MTHFS: variants seen among roughly 807,000 people sequenced by gnomAD.
The protein encoded by MTHFS is 5-formyltetrahydrofolate cyclo-ligase.
Under a neutral mutation model 12.7 loss-of-function variants are expected in MTHFS, and 7 were observed. That is an observed-to-expected ratio of 0.55 (90% CI 0.31 to 1.03). The LOEUF is 1.03. MTHFS is among the 50% of genes least tolerant of loss of function. The pLI is 0.05. For missense variants in MTHFS, 252 were observed against 258.1 expected (o/e 0.98, Z 0.16); for synonymous variants, 100 against 97.1 (o/e 1.03, Z -0.18).
At chr15:79,857,889 GC>G (rs1326057083) in intron 2 of MTHFS, among the ~76,000 whole-genome samples, 1 of 151,974 alleles carries the variant, frequency 6.6e-6, no homozygotes, top group African/African-American at 2.4e-5. Context: ...GGTGGCGCGT[GC>G]CTGTAATCCC....
intron 2 of MTHFS, among the ~76,000 whole-genome samples, chr15:79,887,068 C>T (rs1451330084): frequency 2.0e-5 from 3 of 152,118 alleles, no homozygotes; most frequent in Non-Finnish European, 2.9e-5. Context: ...AACCCCATCT[C>T]TATTAAAAAT....
At chr15:79,864,431 G>A (rs984319786) in intron 2 of MTHFS, among the ~76,000 whole-genome samples, 1 of 151,628 alleles carries the variant, frequency 6.6e-6, no homozygotes, top group Non-Finnish European at 1.5e-5. Context: ...CATAGTCCCA[G>A]CTACTCAGGA....
At chr15:79,858,606 G>C (rs1161909363) in intron 2 of MTHFS, among the ~76,000 whole-genome samples, 1 of 151,990 alleles carries the variant, frequency 6.6e-6, no homozygotes, top group African/African-American at 2.4e-5. Context: ...AATAACTAAA[G>C]GATACAGAAA....
intron 2 of MTHFS, among the ~76,000 whole-genome samples, chr15:79,855,891 C>T (rs558553546): frequency 6.6e-6 from 1 of 152,244 alleles, no homozygotes; most frequent in African/African-American, 2.4e-5. Context: ...TATATATGTA[C>T]CATATTTTCT....
intron 2 of MTHFS, among the ~76,000 whole-genome samples, 179 bp from the exon 3 acceptor site, chr15:79,845,621 CTTAG>C (rs1436107048): frequency 6.6e-6 from 1 of 152,194 alleles, no homozygotes; most frequent in Non-Finnish European, 1.5e-5. Context: ...TACTCAGCAA[CTTAG>C]TTAAGTCTCT....
At chr15:79,853,352 T>C (rs2033747012) in intron 2 of MTHFS, among the ~76,000 whole-genome samples, 1 of 152,218 alleles carries the variant, frequency 6.6e-6, no homozygotes, top group African/African-American at 2.4e-5. Context: ...CAGTTATCTG[T>C]GCAGGCTTTT....
intron 2 of MTHFS, among the ~76,000 whole-genome samples, chr15:79,859,637 G>A (rs1321636173): frequency 6.6e-6 from 1 of 152,106 alleles, no homozygotes; most frequent in Admixed American, 6.5e-5. Context: ...GGCCAACATG[G>A]TGAAGGCCCG....
At chr15:79,893,298 G>C (rs2034507021) in intron 1 of MTHFS, among the ~76,000 whole-genome samples, 1 of 151,620 alleles carries the variant, frequency 6.6e-6, no homozygotes, top group Non-Finnish European at 1.5e-5. Flanking sequence ...AGCTACTTGG[G>C]AGGCTGAGGC....
chr15:79,853,113 C>T (rs1232831797), intron 2 of MTHFS, among the ~76,000 whole-genome samples: 1 of 152,112 alleles, frequency 6.6e-6, no homozygotes, highest in Non-Finnish European at 1.5e-5. Flanking sequence ...AGGTTCACCC[C>T]TATAAGGATA....
chr15:79,890,984 C>T (rs535313143), intron 1 of MTHFS, among the ~76,000 whole-genome samples: 1 of 152,302 alleles, frequency 6.6e-6, no homozygotes, highest in South Asian at 2.1e-4. Context: ...TCAGTTAACA[C>T]TCAATGTGAG....
chr15:79,851,854 TTAGAGGTAGTA>T (rs1275245230), intron 2 of MTHFS, among the ~76,000 whole-genome samples: 2 of 152,164 alleles, frequency 1.3e-5, no homozygotes, highest in African/African-American at 2.4e-5. Context: ...GCCAAGCATC[TTAGAGGTAGTA>T]CAGGAGAGGG....
At chr15:79,847,111 G>T (rs1366037572) in intron 2 of MTHFS, among the ~76,000 whole-genome samples, 1 of 152,186 alleles carries the variant, frequency 6.6e-6, no homozygotes, top group Non-Finnish European at 1.5e-5. Context: ...GGTCAGGGAA[G>T]AATTCATGGA....
intron 2 of MTHFS, among the ~76,000 whole-genome samples, chr15:79,866,313 C>T (rs1400731607): frequency 2.6e-5 from 4 of 152,078 alleles, no homozygotes; most frequent in African/African-American, 9.7e-5. Context: ...AAATATTTAC[C>T]TGTACATTAT....
At chr15:79,868,260 A>G (rs2034046145) in intron 2 of MTHFS, among the ~76,000 whole-genome samples, 1 of 152,216 alleles carries the variant, frequency 6.6e-6, no homozygotes, top group Non-Finnish European at 1.5e-5. Context: ...ATTTCAATGT[A>G]GCATTCAATA....
At chr15:79,869,937 T>C (rs987623821) in intron 2 of MTHFS, among the ~76,000 whole-genome samples, 1 of 151,980 alleles carries the variant, frequency 6.6e-6, no homozygotes, top group Non-Finnish European at 1.5e-5. Context: ...AAAGTAACTA[T>C]AATAATAATT....
chr15:79,869,057 C>T (rs1054290124), intron 2 of MTHFS, among the ~76,000 whole-genome samples: 66 of 152,070 alleles, frequency 4.3e-4, no homozygotes, highest in African/African-American at 1.5e-3. Context: ...ACTGTGACTA[C>T]ATCAGGTCAT....
intron 2 of MTHFS, among the ~76,000 whole-genome samples, chr15:79,862,963 A>T (rs2033943890): frequency 6.6e-6 from 1 of 152,158 alleles, no homozygotes; most frequent in Admixed American, 6.5e-5. Context: ...CTCCAGAGCT[A>T]TATATCCAAC....
intron 2 of MTHFS, among the ~76,000 whole-genome samples, chr15:79,879,284 G>C (rs1209739818): frequency 1.5e-5 from 2 of 135,914 alleles, no homozygotes; most frequent in Non-Finnish European, 3.2e-5. Context: ...CAAAGTTTTT[G>C]CTTTAATATT....
At chr15:79,892,590 G>A (rs1400029299) in intron 1 of MTHFS, among the ~76,000 whole-genome samples, 2 of 152,198 alleles carry the variant, frequency 1.3e-5, no homozygotes, top group Admixed American at 6.5e-5. Context: ...CATATCTAGT[G>A]ACATAAAGTT....
Sources: allele counts gnomAD v4.1 joint callset (sites outside exome capture counted in the v4.1 genomes callset), GRCh38; gene constraint gnomAD v4.1.1; transcripts MANE v1.5; gene names NCBI Gene and HGNC (gene_info 2026-07-23, HGNC 2026-07-21).